The following CTTNBP2 variants were observed in gnomAD, a reference collection of about 807,000 sequenced individuals.
CTTNBP2 encodes cortactin-binding protein 2.
CTTNBP2 carries 108 observed loss-of-function variants against 156.9 expected under a neutral mutation model. That is an observed-to-expected ratio of 0.69 (90% CI 0.59 to 0.81). The LOEUF is 0.81. Ranked by LOEUF, CTTNBP2 falls within the 30% of genes least tolerant of loss-of-function variation. The pLI is 0.00. For missense variants in CTTNBP2, 1,924 were observed against 2,035.4 expected (o/e 0.95, Z 1.05); for synonymous variants, 767 against 751.8 (o/e 1.02, Z -0.33).
intron 14 of CTTNBP2, among the ~76,000 whole-genome samples, chr7:117,744,224 T>C (rs1187127697): frequency 1.3e-5 from 2 of 152,202 alleles, no homozygotes; most frequent in African/African-American, 2.4e-5. Flanking sequence ...TTACTGACTA[T>C]AGGTACAATT....
intron 12 of CTTNBP2, among the ~76,000 whole-genome samples, chr7:117,753,266 G>A (rs553947379): frequency 5.3e-5 from 8 of 152,280 alleles, no homozygotes; most frequent in African/African-American, 1.2e-4. Context: ...ATGCTGGCAA[G>A]GTTGTGGAGA....
intron 4 of CTTNBP2, among the ~76,000 whole-genome samples, chr7:117,789,419 C>A (rs1421456078): frequency 6.6e-6 from 1 of 152,180 alleles, no homozygotes; most frequent in African/African-American, 2.4e-5. Flanking sequence ...CACTGCTCCA[C>A]ACATTTCTGG....
chr7:117,799,522 C>G lies in CTTNBP2; in HGVS notation c.415-6741G>C, dbSNP rs576469865. 2.6e-5 allele frequency among the ~76,000 whole-genome samples: 4 copies of G among 151,896 alleles called. No individual in the cohort carries two copies. The East Asian group carries it at 7.7e-4, about 29-fold the overall frequency. On this transcript the variant is annotated intron_variant, in intron 3 of 22. Transcript: ENST00000160373. Reference sequence around the variant, plus strand: ...AAACCTCAAATGAGATAAAGAGCATCTATGAAAAGCACAGCTAACATTGTA... The same window carrying G: ...AAACCTCAAATGAGATAAAGAGCATGTATGAAAAGCACAGCTAACATTGTA...
At chr7:117,785,268 G>A (rs1242986899) in intron 4 of CTTNBP2, among the ~76,000 whole-genome samples, 1 of 152,164 alleles carries the variant, frequency 6.6e-6, no homozygotes, top group Non-Finnish European at 1.5e-5. Flanking sequence ...AGCTTTAGAA[G>A]AGAGTCTGTT....
intron 14 of CTTNBP2, among the ~76,000 whole-genome samples, chr7:117,741,662 T>A (rs1401486591): frequency 6.6e-6 from 1 of 152,216 alleles, no homozygotes; most frequent in Non-Finnish European, 1.5e-5. Context: ...TTCCTACTCT[T>A]CCTTCTTTAA....
At chr7:117,866,083 G>A (rs1804174847) in intron 1 of CTTNBP2, among the ~76,000 whole-genome samples, 1 of 151,684 alleles carries the variant, frequency 6.6e-6, no homozygotes, top group African/African-American at 2.4e-5. Flanking sequence ...GCAAGCGTGG[G>A]GAGGGCATTC....
chr7:117,765,742 GA>G (rs1195121678), intron 9 of CTTNBP2, among the ~76,000 whole-genome samples: 1 of 152,072 alleles, frequency 6.6e-6, no homozygotes, highest in East Asian at 1.9e-4. Context: ...TTTGATGCTT[GA>G]TCTGTTTCCA....
At chr7:117,839,506 G>C (rs1230621737) in intron 2 of CTTNBP2, among the ~76,000 whole-genome samples, 1 of 152,160 alleles carries the variant, frequency 6.6e-6, no homozygotes, top group East Asian at 1.9e-4. Context: ...CAACACACTT[G>C]TAATGTGACA....
At chr7:117,813,789 G>A (rs1386618009) in intron 2 of CTTNBP2, among the ~76,000 whole-genome samples, 1 of 152,086 alleles carries the variant, frequency 6.6e-6, no homozygotes, top group South Asian at 2.1e-4. Context: ...AACTGGATGA[G>A]GCAGGACTCA....
chr7:117,857,303 A>G (rs1217821975), intron 2 of CTTNBP2, among the ~76,000 whole-genome samples: 3 of 152,198 alleles, frequency 2.0e-5, no homozygotes, highest in Non-Finnish European at 4.4e-5. Flanking sequence ...AATGTCTTCA[A>G]TACTATCATG....
At chr7:117,861,395 T>C in intron 1 of CTTNBP2, 79 bp from the exon 2 acceptor site, 1 of 990,254 alleles carries the variant, frequency 1.0e-6, no homozygotes, top group Non-Finnish European at 1.5e-6. Context: ...ATGCAATGAA[T>C]CAGTTTTATC....
At chr7:117,756,677 T>C in intron 11 of CTTNBP2, 43 bp from the exon 12 acceptor site, 1 of 1,230,926 alleles carries the variant, frequency 8.1e-7, no homozygotes, top group East Asian at 2.3e-5. Flanking sequence ...GTTCCCTTGT[T>C]AAATATAAAC....
chr7:117,718,166 T>C (rs755008741), intron 21 of CTTNBP2, 47 bp from the exon 22 acceptor site: 1 of 1,178,330 alleles, frequency 8.5e-7, no homozygotes, highest in Admixed American at 1.7e-5. Flanking sequence ...AGTCACACTG[T>C]GCATACTCAA....
intron 2 of CTTNBP2, among the ~76,000 whole-genome samples, chr7:117,812,098 A>C (rs1002141499): frequency 3.9e-5 from 6 of 152,114 alleles, no homozygotes; most frequent in Non-Finnish European, 7.4e-5. Flanking sequence ...TATGCAACTT[A>C]ATTATACTCT....
intron 14 of CTTNBP2, among the ~76,000 whole-genome samples, chr7:117,741,752 A>T (rs10249419): frequency 0.44 from 66,939 of 152,058 alleles, 19,013 homozygotes; most frequent in African/African-American, 0.8. Context: ...TTGTGCCTAG[A>T]CATCAATGAC....
chr7:117,736,308 T>C (rs145655108), intron 14 of CTTNBP2, among the ~76,000 whole-genome samples: 1 of 151,908 alleles, frequency 6.6e-6, no homozygotes, highest in African/African-American at 2.4e-5. Flanking sequence ...TACAAAAAAT[T>C]AGACAGATAG....
intron 9 of CTTNBP2, among the ~76,000 whole-genome samples, chr7:117,761,217 A>G (rs1177705561): frequency 2.6e-5 from 4 of 152,180 alleles, no homozygotes; most frequent in Admixed American, 2.6e-4. Context: ...CTGTACCCCA[A>G]TTTCTTCCAT....
intron 12 of CTTNBP2, among the ~76,000 whole-genome samples, chr7:117,752,602 A>G (rs1468526183): frequency 6.6e-6 from 1 of 152,200 alleles, no homozygotes; most frequent in African/African-American, 2.4e-5. Context: ...AGTCTTCACT[A>G]CATGTGGTTT....
At chr7:117,743,103 C>G (rs1796105816) in intron 14 of CTTNBP2, among the ~76,000 whole-genome samples, 1 of 152,214 alleles carries the variant, frequency 6.6e-6, no homozygotes, top group Non-Finnish European at 1.5e-5. Context: ...TTAGGAAGAG[C>G]AGCTCTTTTT....
Sources: allele counts gnomAD v4.1 joint callset (sites outside exome capture counted in the v4.1 genomes callset), GRCh38; gene constraint gnomAD v4.1.1; transcripts MANE v1.5; gene names NCBI Gene and HGNC (gene_info 2026-07-23, HGNC 2026-07-21).